Variants in OVOL2 observed in about 807,000 individuals in gnomAD.
OVOL2 encodes ovo like zinc finger 2.
Under a neutral mutation model 18.1 loss-of-function variants are expected in OVOL2, and 13 were observed. The observed-to-expected ratio is 0.72, with a 90% CI of 0.47 to 1.14. The LOEUF is 1.14. OVOL2 is among the 50% of genes most tolerant of loss of function. OVOL2 has a pLI of 0.00. For missense variants in OVOL2, 335 were observed against 383.0 expected, an observed-to-expected ratio of 0.87 and a Z score of 1.05; for synonymous variants, 166 against 162.7, an observed-to-expected ratio of 1.02 and a Z score of -0.16.
In OVOL2 at chr20:18,028,108, G is replaced by A. The variant is rs540561620; in HGVS notation, c.512-3156C>T. On this transcript the variant is annotated intron_variant, in intron 3 of 3. Coordinates refer to ENST00000278780, the MANE Select transcript of OVOL2 (RefSeq NM_021220.4). Reference sequence around the variant, plus strand: ...AGACCCTGTACAGATTCCCGGGCCTGCCTCAGGGACCCCAGGCACTAGGTC... The same window carrying A: ...AGACCCTGTACAGATTCCCGGGCCTACCTCAGGGACCCCAGGCACTAGGTC... 1.2e-4 allele frequency among the ~76,000 whole-genome samples: 18 copies of A among 152,274 alleles called. No homozygotes were observed. The South Asian group carries it at 2.5e-3, about 21-fold the overall frequency.
intron 3 of OVOL2, among the ~76,000 whole-genome samples, chr20:18,040,671 G>C (rs1459176545): frequency 6.6e-6 from 1 of 152,182 alleles, no homozygotes. Context: ...CCAGGACTCT[G>C]TGAAGAACTG....
chr20:18,031,950 TC>T (rs1470318121), intron 3 of OVOL2, among the ~76,000 whole-genome samples: 2 of 152,206 alleles, frequency 1.3e-5, no homozygotes, highest in Non-Finnish European at 2.9e-5. Flanking sequence ...GCTCAACTGC[TC>T]CTTTACTGAA....
chr20:18,038,482 A>G (rs1460682093), intron 3 of OVOL2, among the ~76,000 whole-genome samples: 1 of 152,178 alleles, frequency 6.6e-6, no homozygotes, highest in Non-Finnish European at 1.5e-5. Flanking sequence ...CTTAACTACT[A>G]TGTGACCGCC....
intron 2 of OVOL2, among the ~76,000 whole-genome samples, chr20:18,054,635 G>A (rs1266942484): frequency 6.6e-6 from 1 of 151,550 alleles, no homozygotes; most frequent in Non-Finnish European, 1.5e-5. Context: ...CCAGCTGCTC[G>A]GAAGGCTGAG....
chr20:18,033,863 C>T (rs1277247596), intron 3 of OVOL2, among the ~76,000 whole-genome samples: 1 of 152,194 alleles, frequency 6.6e-6, no homozygotes, highest in Non-Finnish European at 1.5e-5. Context: ...TCTTAGGAAG[C>T]ATCCTAGCCT....
intron 2 of OVOL2, among the ~76,000 whole-genome samples, chr20:18,054,471 G>A (rs908503249): frequency 3.3e-5 from 5 of 152,140 alleles, no homozygotes; most frequent in South Asian, 2.1e-4. Context: ...GGCTGGATGC[G>A]GTGGCTCACG....
intron 3 of OVOL2, among the ~76,000 whole-genome samples, chr20:18,034,704 C>CCAAAGA (rs2036600191): frequency 2.3e-5 from 3 of 132,808 alleles, no homozygotes; most frequent in Non-Finnish European, 5.3e-5. Flanking sequence ...GGTGAACTCA[C>CCAAAGA]AGCCAAAAAA....
chr20:18,039,522 C>T (rs2036649201), intron 3 of OVOL2, among the ~76,000 whole-genome samples: 3 of 146,594 alleles, frequency 2.0e-5, no homozygotes, highest in Admixed American at 1.4e-4. Context: ...GTCCCAGCTA[C>T]TAGGGGTGCT....
chr20:18,051,273 G>A (rs2036769373), intron 2 of OVOL2, among the ~76,000 whole-genome samples: 1 of 151,946 alleles, frequency 6.6e-6, no homozygotes, highest in Non-Finnish European at 1.5e-5. Flanking sequence ...GGAGAATTCT[G>A]GTTAACAACT....
At chr20:18,041,166 T>C (rs1298596051) in intron 3 of OVOL2, among the ~76,000 whole-genome samples, 1 of 151,672 alleles carries the variant, frequency 6.6e-6, no homozygotes, top group Non-Finnish European at 1.5e-5. Flanking sequence ...TGATCTTTCT[T>C]TTTTTTTCTT....
chr20:18,030,164 G>A (rs1445460011), intron 3 of OVOL2, among the ~76,000 whole-genome samples: 2 of 152,116 alleles, frequency 1.3e-5, no homozygotes, highest in African/African-American at 2.4e-5. Flanking sequence ...TAAGGAATGC[G>A]CCCGCTCTAG....
At chr20:18,051,133 T>C (rs1315530198) in intron 2 of OVOL2, among the ~76,000 whole-genome samples, 1 of 152,062 alleles carries the variant, frequency 6.6e-6, no homozygotes, top group African/African-American at 2.4e-5. Context: ...CCTAGCACTT[T>C]GGGAGGCTGA....
chr20:18,028,333 C>A (rs1367574393), intron 3 of OVOL2, among the ~76,000 whole-genome samples: 1 of 151,868 alleles, frequency 6.6e-6, no homozygotes, highest in Non-Finnish European at 1.5e-5. Context: ...CCCGCCACAA[C>A]AGCCATCTAA....
At chr20:18,032,919 T>C (rs2036584367) in intron 3 of OVOL2, among the ~76,000 whole-genome samples, 1 of 152,232 alleles carries the variant, frequency 6.6e-6, no homozygotes, top group Admixed American at 6.5e-5. Flanking sequence ...TTTTCTTTCC[T>C]TTTATCTCCT....
rs187580405 is a variant in OVOL2 at position 18,057,771 on chromosome 20, C to A, written c.-137G>T. 2.8e-5 allele frequency: 40 copies of A among 1,409,790 alleles called. No homozygotes were observed. Among genetic ancestry groups the A allele is most frequent in the East Asian group, 2.3e-4 (8 of 35,310 alleles). The allele number at this position is 1,409,790 out of a possible 1,614,324, so 87.3% of individuals were successfully genotyped here. The stretch of plus-strand genomic sequence containing the variant: ...TCGCCTGCCCTCTTCCTCCACCCCC[C>A]GCCGCGGCGCGGCCCAGGCCTCTCC... On this transcript the variant is annotated 5_prime_UTR_variant, in exon 1 of 4. Transcript: ENST00000278780. The surrounding 1 kb of genome is among the most constrained non-coding windows in gnomAD (Gnocchi z 6.3).
chr20:18,043,000 C>T (rs532429939), intron 2 of OVOL2, among the ~76,000 whole-genome samples: 44 of 152,194 alleles, frequency 2.9e-4, no homozygotes, highest in Admixed American at 7.9e-4. Flanking sequence ...TTTATGGCAA[C>T]GCAAAATGGA....
At chr20:18,039,607 C>CAA (rs111619803) in intron 3 of OVOL2, among the ~76,000 whole-genome samples, 34 of 87,040 alleles carry the variant, frequency 3.9e-4, no homozygotes, top group Admixed American at 1.1e-3. Flanking sequence ...GACGCTGTCT[C>CAA]AAAAAAAAAA....
chr20:18,054,030 C>G (rs1328002416), intron 2 of OVOL2, among the ~76,000 whole-genome samples: 1 of 152,168 alleles, frequency 6.6e-6, no homozygotes, highest in Non-Finnish European at 1.5e-5. Flanking sequence ...TCGGTCACGT[C>G]TTTGTTTGGA....
intron 2 of OVOL2, among the ~76,000 whole-genome samples, chr20:18,044,508 G>C (rs1314458349): frequency 6.6e-6 from 1 of 152,164 alleles, no homozygotes; most frequent in African/African-American, 2.4e-5. Flanking sequence ...GGGTATTCCA[G>C]TCAGCCTCCT....
Sources: gnomAD v4.1 joint callset for allele counts (sites outside exome capture counted in the v4.1 genomes callset) on GRCh38, gnomAD v4.1.1 for gene constraint, Gnocchi (gnomAD v3.1) non-coding constraint, MANE v1.5 for transcripts, NCBI Gene and HGNC (gene_info 2026-07-23, HGNC 2026-07-21) for gene names.